Variants in ASXL2 observed in about 807,000 individuals in gnomAD.
The protein encoded by ASXL2 is ASXL transcriptional regulator 2.
Under a neutral mutation model 122.0 loss-of-function variants are expected in ASXL2, and 23 were observed. That is an observed-to-expected ratio of 0.19 (90% CI 0.14 to 0.27). The LOEUF (loss-of-function observed/expected upper bound fraction) is 0.27. Ranked by LOEUF, ASXL2 falls within the 10% of genes least tolerant of loss-of-function variation. The probability of loss-of-function intolerance (pLI) is 1.00; values close to 1 mark genes in which losing one functional copy is unlikely to be tolerated. For missense variants in ASXL2, 1,518 were observed against 1,713.8 expected, an observed-to-expected ratio of 0.89 and a Z score of 2.02; for synonymous variants, 650 against 637.0, an observed-to-expected ratio of 1.02 and a Z score of -0.31.
At chr2:25,821,323 C>T (rs2089307779) in intron 3 of ASXL2, among the ~76,000 whole-genome samples, 4 of 150,764 alleles carry the variant, frequency 2.7e-5, no homozygotes, top group Non-Finnish European at 5.9e-5. Context: ...TACCACTGCA[C>T]TCCAGCCTGG....
chr2:25,785,268 C>T (rs2088719796), intron 5 of ASXL2, among the ~76,000 whole-genome samples: 1 of 152,106 alleles, frequency 6.6e-6, no homozygotes, highest in Non-Finnish European at 1.5e-5. Flanking sequence ...CTCTGTCTCC[C>T]TGGCTGGAGG....
At chr2:25,826,822 C>T (rs1487707326) in intron 3 of ASXL2, among the ~76,000 whole-genome samples, 2 of 140,262 alleles carry the variant, frequency 1.4e-5, no homozygotes, top group Non-Finnish European at 3.1e-5. Context: ...GCCCTCACTT[C>T]AAGTCGATTT....
At chr2:25,783,497 A>G (rs1437340065) in intron 5 of ASXL2, among the ~76,000 whole-genome samples, 1 of 131,606 alleles carries the variant, frequency 7.6e-6, no homozygotes, top group Non-Finnish European at 1.7e-5. Context: ...TAATTTAGTA[A>G]TTTCCACCAT....
At chr2:25,792,077 G>C (rs1158075588) in intron 5 of ASXL2, among the ~76,000 whole-genome samples, 1 of 152,190 alleles carries the variant, frequency 6.6e-6, no homozygotes, top group Non-Finnish European at 1.5e-5. Flanking sequence ...GAACACTGTA[G>C]CCTTGAACTC....
chr2:25,766,446 T>TC (rs1183993616), intron 8 of ASXL2, among the ~76,000 whole-genome samples: 1 of 152,248 alleles, frequency 6.6e-6, no homozygotes, highest in Non-Finnish European at 1.5e-5. Context: ...TCTTACTTTT[T>TC]CTCTCCTACT....
rs561088610 is a variant in ASXL2 at position 25,742,034 on chromosome 2, G to A, written c.4303C>T (p.Arg1435Trp). The A allele has an allele frequency of 8.1e-6, 13 of 1,610,642 alleles. No individual in the cohort carries two copies. In the Admixed American group the frequency reaches 1.0e-4, roughly 12 times the overall value. Reference protein sequence around the residue: ...SKLCVSCLVVR With the variant: ...SKLCVSCLVVW ...TGTATCTCTTTCTAGTCTCATTACCGAACGACAAGGCAGGAGACGCACAGT... is the reference window on the plus strand; with the variant it reads ...TGTATCTCTTTCTAGTCTCATTACCAAACGACAAGGCAGGAGACGCACAGT... Residue 1435 changes from arginine (R) to tryptophan (W), a missense_variant, in exon 13 of 13, where the codon CGG (arginine) becomes TGG (tryptophan). Arg to Trp is a moderately radical substitution (Grantham distance 101). Coordinates refer to ENST00000435504, the MANE Select transcript of ASXL2 (RefSeq NM_018263.6).
rs17047134 is a variant in ASXL2 at position 25,740,488 on chromosome 2, A to G, written c.*1541T>C. The G allele has an allele frequency of 4.0e-3, 907 of 228,054 alleles. 4 individuals are homozygous for G. The highest frequency in any genetic ancestry group is 0.023 in the South Asian group (124 of 5,484). The allele number at this position is 228,054 out of a possible 1,614,324, so 14.1% of individuals were successfully genotyped here. ...TTCCAAATTAGGAGACTTGAAATCA[A>G]TATGCAAATGATGCAAATTGACACT... On this transcript the variant is annotated 3_prime_UTR_variant, in exon 13 of 13. Transcript: ENST00000435504.
chr2:25,825,737 C>G (rs2089367435), intron 3 of ASXL2, among the ~76,000 whole-genome samples: 1 of 152,126 alleles, frequency 6.6e-6, no homozygotes, highest in Admixed American at 6.5e-5. Flanking sequence ...GTGAATCACG[C>G]TGCTATGAAC....
chr2:25,841,622 A>G (rs2089579961), intron 2 of ASXL2, among the ~76,000 whole-genome samples: 2 of 152,020 alleles, frequency 1.3e-5, no homozygotes, highest in Admixed American at 6.6e-5. Flanking sequence ...CGAGGAGGGC[A>G]GATCATTTGA....
intron 8 of ASXL2, among the ~76,000 whole-genome samples, chr2:25,761,252 T>C (rs1030851460): frequency 6.6e-6 from 1 of 152,184 alleles, no homozygotes; most frequent in Non-Finnish European, 1.5e-5. Context: ...ACTAAAGCTC[T>C]AGAAGTGGAA....
At position 25,743,104 on chromosome 2, in the gene ASXL2, T is replaced by C; in HGVS notation, c.3233A>G (p.Asn1078Ser). Reference sequence around the variant, plus strand: ...TGAGGGCGGCACAACTGAGAGAAGATTCTGCCTCCGAACCCTCTGAATGAG... The same window carrying C: ...TGAGGGCGGCACAACTGAGAGAAGACTCTGCCTCCGAACCCTCTGAATGAG... ...QTLIQRVRRQNLLSVVPPSQF... is the reference protein window; with the variant it reads ...QTLIQRVRRQSLLSVVPPSQF... Residue 1078 changes from asparagine (N) to serine (S), a missense_variant, in exon 13 of 13, where the codon AAT (asparagine) becomes AGT (serine). Physicochemically the swap from Asn to Ser is conservative, Grantham distance 46. Around this residue, in one of 8 missense-constraint regions of ASXL2, gnomAD observed 831 missense variants for 833.1 expected, o/e 1.00. Coordinates refer to ENST00000435504, the MANE Select transcript of ASXL2 (RefSeq NM_018263.6). 3 of 1,614,018 alleles carry C rather than the reference T, an allele frequency of 1.9e-6. No individual in the cohort carries two copies. Among genetic ancestry groups the C allele is most frequent in the Non-Finnish European group, 2.5e-6 (3 of 1,179,896 alleles).
chr2:25,787,662 A>G (rs1315212082), intron 5 of ASXL2, among the ~76,000 whole-genome samples: 1 of 152,232 alleles, frequency 6.6e-6, no homozygotes, highest in Admixed American at 6.5e-5. Flanking sequence ...ACAACAGAAT[A>G]AAAAATGTCA....
chr2:25,760,122 A>C (rs74548415), intron 8 of ASXL2, among the ~76,000 whole-genome samples: 4,980 of 152,148 alleles, frequency 0.033, 132 homozygotes, highest in African/African-American at 0.073. Flanking sequence ...GTTTCAGGAA[A>C]TCTGTCCACA....
At chr2:25,861,999 T>C (rs2089846687) in intron 1 of ASXL2, among the ~76,000 whole-genome samples, 1 of 152,200 alleles carries the variant, frequency 6.6e-6, no homozygotes, top group South Asian at 2.1e-4. Context: ...AGGGATTATT[T>C]TCCTCTATTT....
At chr2:25,763,842 C>A (rs1247140144) in intron 8 of ASXL2, among the ~76,000 whole-genome samples, 2 of 152,180 alleles carry the variant, frequency 1.3e-5, no homozygotes, top group African/African-American at 4.8e-5. Context: ...GGAATTTAAA[C>A]CCAGGCGATT....
chr2:25,864,307 A>G (rs1289303767), intron 1 of ASXL2, among the ~76,000 whole-genome samples: 1 of 152,184 alleles, frequency 6.6e-6, no homozygotes. Flanking sequence ...GAAACATTAC[A>G]ACGAGACTCA....
rs2087755022 is a variant in ASXL2 at position 25,737,435 on chromosome 2, G to T, written c.*4594C>A. ...CTTCACTTTTCCAGTAATGTTAGGG[G>T]GTTAGGAGACAAAACAGATTAAGGG... On this transcript the variant is annotated 3_prime_UTR_variant, in exon 13 of 13. Coordinates refer to ENST00000435504, the MANE Select transcript of ASXL2 (RefSeq NM_018263.6). 6.6e-6 allele frequency: 1 copy of T among 152,104 alleles called. No individual in the cohort carries two copies. The highest frequency in any genetic ancestry group is 1.5e-5 in the Non-Finnish European group (1 of 68,016). 9.4% of individuals were successfully genotyped at this position (152,104 alleles called of 1,614,324 possible).
At chr2:25,799,132 T>C (rs2088957046) in intron 5 of ASXL2, among the ~76,000 whole-genome samples, 1 of 152,216 alleles carries the variant, frequency 6.6e-6, no homozygotes, top group Admixed American at 6.5e-5. Context: ...GCATTTTTAT[T>C]TTTTAAATTC....
chr2:25,753,716 A>G, intron 10 of ASXL2, 77 bp from the exon 11 acceptor site: 1 of 1,133,194 alleles, frequency 8.8e-7, no homozygotes, highest in Non-Finnish European at 1.3e-6. Flanking sequence ...ATCATGAAAG[A>G]CTCACGCAGG....
Sources: allele counts gnomAD v4.1 joint callset (sites outside exome capture counted in the v4.1 genomes callset), GRCh38; gene constraint gnomAD v4.1.1; regional missense constraint gnomAD v4.1.1; transcripts MANE v1.5; gene names NCBI Gene and HGNC (gene_info 2026-07-23, HGNC 2026-07-21).